The following NLGN4X variants were observed in gnomAD, a reference collection of about 807,000 sequenced individuals.
NLGN4X encodes neuroligin 4 X-linked, also known as neuroligin-4, X-linked.
A neutral mutation model predicts 40.3 loss-of-function variants in NLGN4X; 3 were observed. That is an observed-to-expected ratio of 0.07 (90% CI 0.03 to 0.19). The LOEUF is 0.19. Among genes scored for constraint, NLGN4X ranks in the 10% least tolerant of loss-of-function variants. The pLI is 1.00. For missense variants in NLGN4X, 382 were observed against 708.3 expected (o/e 0.54, Z 5.23); for synonymous variants, 270 against 306.8 (o/e 0.88, Z 1.25).
At chrX:5,992,601 T>A (rs2035712142) in intron 3 of NLGN4X, among the ~76,000 whole-genome samples, 1 of 110,925 alleles carries the variant, frequency 9.0e-6, no homozygotes, top group African/African-American at 3.3e-5. Context: ...TGTCTCTAAT[T>A]AGAAAAATAA....
intron 1 of NLGN4X, among the ~76,000 whole-genome samples, chrX:6,204,428 T>C (rs1438086851): frequency 8.9e-6 from 1 of 111,960 alleles, no homozygotes; most frequent in Non-Finnish European, 1.9e-5. Context: ...CCAATAAATA[T>C]GCATTGGCTT....
At chrX:6,113,695 A>AC (rs35126859) in intron 2 of NLGN4X, among the ~76,000 whole-genome samples, 14 of 30,680 alleles carry the variant, frequency 4.6e-4, no homozygotes, top group Non-Finnish European at 8.9e-4. Flanking sequence ...TGCTTGTTTC[A>AC]AAAAAAAAAA....
chrX:6,192,739 C>T (rs1051979700), intron 1 of NLGN4X, among the ~76,000 whole-genome samples: 6 of 111,594 alleles, frequency 5.4e-5, no homozygotes, highest in Admixed American at 9.5e-5. Context: ...ATCTGTTTCC[C>T]CTTAGAAAAA....
chrX:6,195,151 AT>A (rs1193605920), intron 1 of NLGN4X, among the ~76,000 whole-genome samples: 1 of 112,095 alleles, frequency 8.9e-6, no homozygotes, highest in Non-Finnish European at 1.9e-5. Context: ...ATAAGTTATA[AT>A]AGCTAATATG....
At chrX:5,952,362 T>C (rs986564624) in intron 3 of NLGN4X, among the ~76,000 whole-genome samples, 8 of 111,833 alleles carry the variant, frequency 7.2e-5, no homozygotes, top group Non-Finnish European at 1.3e-4. Context: ...GGATATAAAC[T>C]ACAAAAGATG....
rs529608747 is a variant in NLGN4X, at chrX:6,114,521, A to AACACACAC, written c.472+36466_472+36473dup. Among the ~76,000 whole-genome samples, 191 of 95,673 alleles carry AACACACAC rather than the reference A, an allele frequency of 2.0e-3. 2 individuals are homozygous for AACACACAC. The highest frequency in any genetic ancestry group is 6.4e-3 in the African/African-American group (169 of 26,306). 83.1% of individuals were successfully genotyped at this position (95,673 alleles called of 115,157 possible). On this transcript the variant is annotated intron_variant, in intron 2 of 5. Transcript: ENST00000381095. ...TCAGCCTCTTTCCATCAAAGTGGCA[A>AACACACAC]ACACACACACACACACACACACACA...
chrX:6,084,884 A>G (rs2038458732), intron 2 of NLGN4X, among the ~76,000 whole-genome samples: 1 of 110,504 alleles, frequency 9.0e-6, no homozygotes. Flanking sequence ...AAATAAATTT[A>G]TATGTTTTAC....
intron 3 of NLGN4X, among the ~76,000 whole-genome samples, chrX:5,992,892 G>A (rs918113117): frequency 1.8e-5 from 2 of 111,511 alleles, no homozygotes; most frequent in East Asian, 2.8e-4. Flanking sequence ...TGAGGGATCC[G>A]GCCAATGACC....
intron 2 of NLGN4X, among the ~76,000 whole-genome samples, chrX:6,149,831 T>C (rs767555129): frequency 9.0e-6 from 1 of 111,532 alleles, no homozygotes; most frequent in African/African-American, 3.3e-5. Flanking sequence ...TTAAACTATC[T>C]GGCATTTATA....
intron 3 of NLGN4X, among the ~76,000 whole-genome samples, chrX:5,955,836 A>C (rs1349581277): frequency 2.7e-5 from 3 of 109,529 alleles, no homozygotes; most frequent in African/African-American, 9.9e-5. Flanking sequence ...AAAAGACAAA[A>C]TCCTGTATAA....
intron 3 of NLGN4X, among the ~76,000 whole-genome samples, chrX:6,018,658 C>T (rs1259156134): frequency 8.9e-6 from 1 of 111,919 alleles, no homozygotes; most frequent in Non-Finnish European, 1.9e-5. Flanking sequence ...TTTATCATAC[C>T]TGCCTGTTTA....
intron 3 of NLGN4X, among the ~76,000 whole-genome samples, chrX:6,014,000 G>A (rs2147166858): frequency 9.1e-6 from 1 of 110,274 alleles, no homozygotes; most frequent in East Asian, 2.9e-4. Context: ...GGCCAACATG[G>A]TGAAAACCCG....
At chrX:6,173,795 C>T (rs768701222) in intron 1 of NLGN4X, among the ~76,000 whole-genome samples, 3 of 112,144 alleles carry the variant, frequency 2.7e-5, no homozygotes, top group Non-Finnish European at 3.8e-5. Flanking sequence ...TGGTCGCTCA[C>T]GCCTGTAATC....
chrX:5,903,027 C>G (rs2031965185), intron 5 of NLGN4X, 50 bp downstream of exon 5: 10 of 1,197,274 alleles, frequency 8.4e-6, no homozygotes, highest in Non-Finnish European at 1.1e-5. Flanking sequence ...ATATTGAGGA[C>G]ACAAACAAGT....
At chrX:5,935,190 AAAGTT>A (rs1476800149) in intron 3 of NLGN4X, among the ~76,000 whole-genome samples, 22 of 112,446 alleles carry the variant, frequency 2.0e-4, no homozygotes, top group African/African-American at 4.2e-4. Flanking sequence ...TTAACATTTG[AAAGTT>A]AAGTTATTTA....
intron 3 of NLGN4X, among the ~76,000 whole-genome samples, chrX:5,995,370 AT>A (rs2035791889): frequency 8.9e-6 from 1 of 112,538 alleles, no homozygotes; most frequent in African/African-American, 3.2e-5. Flanking sequence ...GATTTGGAGC[AT>A]TTTGGTTATT....
rs773255828 is a variant in NLGN4X at position 5,916,172 on chromosome X, T to A, written c.626-6933A>T. Among the ~76,000 whole-genome samples the A allele has an allele frequency of 6.2e-5, 7 of 112,226 alleles. No individual in the cohort carries two copies. In the South Asian group the frequency reaches 2.6e-3, roughly 42 times the overall value. ...AGGAGTCCTAATTCTTTGAATGCTT[T>A]CTATGAAAATCTTTATTCTGATGCA... is the stretch of plus-strand genomic sequence containing the variant. On this transcript the variant is annotated intron_variant, in intron 3 of 5. Transcript: ENST00000381095.
chrX:6,116,387 CTTTCTTTTTTTTTTTTTTTTTTTTTTT>C (rs1455735378), intron 2 of NLGN4X, among the ~76,000 whole-genome samples: 1,485 of 29,503 alleles, frequency 0.05, 49 homozygotes, highest in African/African-American at 0.14. Flanking sequence ...TTGAACCTTT[CTTTCTTTTTTTTTTTTTTTTTTTTTTT>C]TTTTTTTTTT....
chrX:6,038,503 C>T (rs2037077369), intron 2 of NLGN4X, among the ~76,000 whole-genome samples: 1 of 113,074 alleles, frequency 8.8e-6, no homozygotes, highest in African/African-American at 3.2e-5. Context: ...AGATGATTTT[C>T]GGATTGGATC....
Sources: gnomAD v4.1 joint callset for allele counts (sites outside exome capture counted in the v4.1 genomes callset) on GRCh38, gnomAD v4.1.1 for gene constraint, MANE v1.5 for transcripts, NCBI Gene and HGNC (gene_info 2026-07-23, HGNC 2026-07-21) for gene names.